USP26: variants seen among roughly 807,000 people sequenced by gnomAD.
USP26 encodes ubiquitin specific peptidase 26.
For synonymous variants in USP26, 236 were observed against 240.6 expected, an observed-to-expected ratio of 0.98 and a Z score of 0.18; for missense variants, 649 against 642.3, an observed-to-expected ratio of 1.01 and a Z score of -0.11.
intron 5 of USP26, among the ~76,000 whole-genome samples, chrX:133,036,457 C>G (rs1819423873): frequency 9.0e-6 from 1 of 110,996 alleles, no homozygotes; most frequent in African/African-American, 3.3e-5. Flanking sequence ...TGTTAGTTTG[C>G]TGAGGATGAT....
At chrX:133,093,192 G>C (rs904129736) in intron 1 of USP26, among the ~76,000 whole-genome samples, 3 of 111,364 alleles carry the variant, frequency 2.7e-5, no homozygotes, top group African/African-American at 6.5e-5. Flanking sequence ...AGGATGAGGT[G>C]GGGGGATCAC....
At position 133,024,088 on chromosome X, in the gene USP26, T is replaced by C. The variant is rs1344733296; in HGVS notation, c.*1391A>G. Among the ~76,000 whole-genome samples, 2 of 111,490 alleles carry C rather than the reference T, an allele frequency of 1.8e-5. No individual in the cohort carries two copies. The highest frequency in any genetic ancestry group is 3.3e-5 in the African/African-American group (1 of 30,648). On this transcript the variant is annotated 3_prime_UTR_variant, in exon 6 of 6. Transcript: ENST00000511190. ...TGGCAAAATTATTAAATCCCCTGGA[T>C]TTTAATGAAATATGACCACCCTAGG...
intron 4 of USP26, among the ~76,000 whole-genome samples, chrX:133,089,166 T>C (rs2067599431): frequency 9.0e-6 from 1 of 110,699 alleles, no homozygotes; most frequent in Admixed American, 9.7e-5. Context: ...TCAGATTACA[T>C]GATGCTACCA....
intron 5 of USP26, among the ~76,000 whole-genome samples, chrX:133,045,326 T>A (rs2067435080): frequency 9.0e-6 from 1 of 111,382 alleles, no homozygotes. Flanking sequence ...AACGGACCAA[T>A]CAGCTCTCTG....
chrX:133,074,923 G>C (rs1008442599), intron 5 of USP26, among the ~76,000 whole-genome samples: 1 of 112,176 alleles, frequency 8.9e-6, no homozygotes, highest in Non-Finnish European at 1.9e-5. Context: ...CTATGGCTGA[G>C]TGTGACTAAT....
chrX:133,057,092 T>A (rs748877978), intron 5 of USP26, among the ~76,000 whole-genome samples: 9 of 111,240 alleles, frequency 8.1e-5, no homozygotes, highest in Non-Finnish European at 5.7e-5. Flanking sequence ...TTTTTTTTTT[T>A]ATTTTACTTT....
intron 4 of USP26, among the ~76,000 whole-genome samples, chrX:133,089,364 G>A (rs1482501849): frequency 2.7e-5 from 3 of 111,698 alleles, no homozygotes; most frequent in East Asian, 2.8e-4. Context: ...TTTTACAGGC[G>A]AGGAAAGAAA....
chrX:133,057,066 A>C (rs1386395341), intron 5 of USP26, among the ~76,000 whole-genome samples: 1 of 110,202 alleles, frequency 9.1e-6, no homozygotes, highest in Admixed American at 9.6e-5. Context: ...ATCACTATTC[A>C]TTTAAAAATG....
At chrX:133,082,268 C>A (rs2148536712) in intron 5 of USP26, among the ~76,000 whole-genome samples, 1 of 112,176 alleles carries the variant, frequency 8.9e-6, no homozygotes, top group African/African-American at 3.2e-5. Context: ...ACTGTAGGTC[C>A]TTGAAGGTAA....
intron 5 of USP26, among the ~76,000 whole-genome samples, chrX:133,077,297 C>T (rs1159378544): frequency 1.8e-5 from 2 of 112,118 alleles, no homozygotes; most frequent in Non-Finnish European, 3.8e-5. Flanking sequence ...AACTATTTAT[C>T]TTGGGAGAAC....
intron 5 of USP26, among the ~76,000 whole-genome samples, chrX:133,052,725 A>G (rs2067463514): frequency 8.9e-6 from 1 of 112,105 alleles, no homozygotes; most frequent in Non-Finnish European, 1.9e-5. Flanking sequence ...GGAATAGAAT[A>G]TAGTAGACTG....
chrX:133,043,941 T>C (rs2067428318), intron 5 of USP26, among the ~76,000 whole-genome samples: 1 of 111,092 alleles, frequency 9.0e-6, no homozygotes, highest in South Asian at 3.8e-4. Flanking sequence ...ACAAAGATTA[T>C]TGCTCCATTA....
rs184396908 is a variant in USP26, at chrX:133,082,997, A to T, written c.-77+710T>A. 2.2e-3 allele frequency among the ~76,000 whole-genome samples: 245 copies of T among 111,653 alleles called. 2 individuals are homozygous for T. Among genetic ancestry groups the T allele is most frequent in the African/African-American group, 7.5e-3 (232 of 30,737 alleles). ...TCAAGGTAAGGGCAATATTTATGTC[A>T]TTAAGATGCACCAAGTTACCTTCTA... On this transcript the variant is annotated intron_variant, in intron 5 of 5. Transcript: ENST00000511190.
chrX:133,056,215 A>G (rs1417871985), intron 5 of USP26, among the ~76,000 whole-genome samples: 1 of 111,831 alleles, frequency 8.9e-6, no homozygotes, highest in Non-Finnish European at 1.9e-5. Flanking sequence ...TCTTGGCAAT[A>G]TTAGTTCAGG....
chrX:133,033,933 T>C (rs905124583), intron 5 of USP26, among the ~76,000 whole-genome samples: 8 of 112,109 alleles, frequency 7.1e-5, no homozygotes, highest in African/African-American at 2.6e-4. Context: ...TAAAAGTCCA[T>C]GTATTTTCTG....
intron 5 of USP26, among the ~76,000 whole-genome samples, chrX:133,076,774 TG>T (rs1388683787): frequency 5.4e-5 from 6 of 111,749 alleles, no homozygotes; most frequent in African/African-American, 2.0e-4. Flanking sequence ...TGAGTGATCT[TG>T]GAAGCAGATC....
chrX:133,082,414 C>G (rs191811341), intron 5 of USP26, among the ~76,000 whole-genome samples: 163 of 111,952 alleles, frequency 1.5e-3, no homozygotes, highest in Middle Eastern at 4.7e-3. Flanking sequence ...CATCTTAAAG[C>G]CTTTTAGTGC....
Position 133,027,180 on chromosome X carries a change from A to G in USP26, c.1041T>C (p.Phe347=), listed in dbSNP as rs773364766. The change falls in exon 6 of 6, where the codon TTT becomes TTC. Residue 347 remains phenylalanine (F), a synonymous_variant. Transcript: ENST00000511190. ...ALTMCLARLL[F]FKDTYNIEIK... is the part of the protein sequence containing the mutation. ...TTTCTATATTATAGGTATCTTTAAA[A>G]AAAAGTAGCCGTGCCAAGCACATGG... is the stretch of plus-strand genomic sequence containing the variant. The G allele has an allele frequency of 5.0e-6, 6 of 1,208,611 alleles. No individual in the cohort carries two copies. The African/African-American group carries it at 1.1e-4, about 21-fold the overall frequency.
intron 1 of USP26, among the ~76,000 whole-genome samples, chrX:133,096,526 C>T (rs996663810): frequency 8.9e-6 from 1 of 111,982 alleles, no homozygotes; most frequent in Non-Finnish European, 1.9e-5. Flanking sequence ...ATCGCAGCAG[C>T]TAATGGCCAT....
Sources: allele counts gnomAD v4.1 joint callset (sites outside exome capture counted in the v4.1 genomes callset), GRCh38; gene constraint gnomAD v4.1.1; transcripts MANE v1.5; gene names NCBI Gene and HGNC (gene_info 2026-07-23, HGNC 2026-07-21).